Variants in ZNF236 observed in about 807,000 individuals in gnomAD.
ZNF236 encodes the protein zinc finger protein 236.
In ZNF236, 50 loss-of-function variants were observed where a neutral mutation model predicts 191.2. That is an observed-to-expected ratio of 0.26 (90% CI 0.21 to 0.33). The LOEUF is 0.33. Among genes scored for constraint, ZNF236 ranks in the 10% least tolerant of loss-of-function variants. ZNF236 has a pLI of 1.00. For missense variants in ZNF236, 1,754 were observed against 2,374.5 expected (o/e 0.74, Z 5.43); for synonymous variants, 907 against 928.8 (o/e 0.98, Z 0.43).
At chr18:76,869,992 A>G (rs920824474) in intron 4 of ZNF236, among the ~76,000 whole-genome samples, 1 of 152,252 alleles carries the variant, frequency 6.6e-6, no homozygotes, top group Admixed American at 6.5e-5. Flanking sequence ...AGTATCAATT[A>G]TCATTTTAAC....
At chr18:76,949,033 C>T (rs1968341787) in intron 27 of ZNF236, among the ~76,000 whole-genome samples, 1 of 152,172 alleles carries the variant, frequency 6.6e-6, no homozygotes, top group South Asian at 2.1e-4. Context: ...GGTTTGAGCA[C>T]CTCAGGCCTG....
At position 76,947,526 on chromosome 18, in the gene ZNF236, G is replaced by A. The variant is rs369130529; in HGVS notation, c.4788G>A (p.Gln1596=). ...TAGTACTAATCTTTTGCCAGGGTCA[G>A]CAGTTCCCAGCGCTCCTCACGGATC... ...TVTLNITSQG[Q]QFPALLTDPS... is the part of the protein sequence containing the mutation. Residue 1596 remains glutamine (Q), a synonymous_variant, in exon 27 of 31, where the codon CAG becomes CAA. Coordinates refer to ENST00000320610, the MANE Select transcript of ZNF236 (RefSeq NM_001306089.2). 6 of 1,612,800 alleles carry A rather than the reference G, an allele frequency of 3.7e-6. No homozygotes were observed. The highest frequency in any genetic ancestry group is 5.1e-6 in the Non-Finnish European group (6 of 1,179,594).
chr18:76,905,156 T>A lies in ZNF236; in HGVS notation c.2038T>A (p.Ser680Thr). 6.2e-7 allele frequency: 1 copy of A among 1,609,158 alleles called. No homozygotes were observed. Residue 680 changes from serine to threonine, a missense_variant and splice_region_variant, in exon 13 of 31, where the codon TCC becomes ACC. Ser to Thr is a moderately conservative substitution (Grantham distance 58). This residue lies in a region of ZNF236 where 641 missense variants were observed against 869.6 expected (regional missense o/e 0.74). Coordinates refer to ENST00000320610, the MANE Select transcript of ZNF236 (RefSeq NM_001306089.2). ...TTAAAATGTGTATTTTTTTTTAAGA[T>A]CCCATACAGGTGAAAAACCTTTTAA... The part of the protein sequence containing the change: ...KSCHLKQHIR[S>T]HTGEKPFKCS...
chr18:76,867,945 A>G (rs1426845845), intron 3 of ZNF236, among the ~76,000 whole-genome samples: 1 of 152,184 alleles, frequency 6.6e-6, no homozygotes, highest in Non-Finnish European at 1.5e-5. Context: ...GTGAAAGATG[A>G]GGAATTTAAA....
intron 9 of ZNF236, among the ~76,000 whole-genome samples, chr18:76,883,897 T>C (rs534946711): frequency 6.6e-6 from 1 of 152,362 alleles, no homozygotes; most frequent in East Asian, 1.9e-4. Flanking sequence ...AGTCATAACA[T>C]TAATTGCTTA....
chr18:76,913,732 A>T lies in ZNF236; in HGVS notation c.2910-15A>T, dbSNP rs1967280848. On this transcript the variant is annotated splice_polypyrimidine_tract_variant and intron_variant, in intron 17 of 30. Transcript: ENST00000320610. ...TGAATTAACGTGGTCTGAGTTCTGTATGTTTGCTTTGTAGGTGTGACTATT... is the reference window on the plus strand; with the variant it reads ...TGAATTAACGTGGTCTGAGTTCTGTTTGTTTGCTTTGTAGGTGTGACTATT... The T allele has an allele frequency of 6.2e-7, 1 of 1,612,988 alleles. No homozygotes were observed. Among genetic ancestry groups the T allele is most frequent in the Admixed American group, 1.7e-5 (1 of 59,992 alleles).
At chr18:76,961,159 C>T (rs1968657420) in intron 30 of ZNF236, among the ~76,000 whole-genome samples, 1 of 152,104 alleles carries the variant, frequency 6.6e-6, no homozygotes, top group African/African-American at 2.4e-5. Context: ...CACCCCCTTC[C>T]CATTCTTTCC....
chr18:76,972,588 A>C lies in ZNF236; in HGVS notation c.*4249A>C, dbSNP rs2123003539. Among the ~76,000 whole-genome samples the C allele has an allele frequency of 6.6e-6, 1 of 152,282 alleles. No homozygotes were observed. Among genetic ancestry groups the C allele is most frequent in the South Asian group, 2.1e-4 (1 of 4,824 alleles). On this transcript the variant is annotated 3_prime_UTR_variant, in exon 31 of 31. Coordinates refer to ENST00000320610, the MANE Select transcript of ZNF236 (RefSeq NM_001306089.2). ...CAGGAGCAACAGGCAGTCAGAAGAG[A>C]TTTTTCTATTTAATCTTTTATGTGT...
chr18:76,931,153 A>G (rs185712406), intron 25 of ZNF236: 7 of 152,342 alleles, frequency 4.6e-5, no homozygotes, highest in Admixed American at 2.6e-4. Flanking sequence ...TGAAATCAAT[A>G]ATCAATCTAC....
Position 76,970,202 on chromosome 18 carries a change from CT to C in ZNF236, c.*1867del, listed in dbSNP as rs1266403748. On this transcript the variant is annotated 3_prime_UTR_variant, in exon 31 of 31. Transcript: ENST00000320610. ...AAGTGGAAATTATTGGAATTTTAAA[CT>C]TTTGTTCTTGCTGGGTTATTTATTT... is the stretch of plus-strand genomic sequence containing the variant. 1 of 152,496 alleles carries C rather than the reference CT, an allele frequency of 6.6e-6. No homozygotes were observed. The highest frequency in any genetic ancestry group is 1.5e-5 in the Non-Finnish European group (1 of 68,006). The allele number at this position is 152,496 out of a possible 1,614,324, so 9.4% of individuals were successfully genotyped here. A position where few individuals can be genotyped will look rare whatever the true frequency, so the allele number is the denominator to read the frequency against.
chr18:76,926,077 C>T (rs1172282323), intron 22 of ZNF236, among the ~76,000 whole-genome samples: 1 of 152,186 alleles, frequency 6.6e-6, no homozygotes, highest in East Asian at 1.9e-4. Flanking sequence ...GCCTGACCAC[C>T]ACTCAGTAGT....
At chr18:76,933,723 T>C (rs1353587887) in intron 25 of ZNF236, among the ~76,000 whole-genome samples, 1 of 152,196 alleles carries the variant, frequency 6.6e-6, no homozygotes, top group African/African-American at 2.4e-5. Flanking sequence ...TTGAATACCT[T>C]TGGCATCTTT....
chr18:76,945,350 A>G (rs774770694), intron 26 of ZNF236, among the ~76,000 whole-genome samples: 17 of 152,238 alleles, frequency 1.1e-4, no homozygotes, highest in African/African-American at 4.1e-4. Context: ...CAGTTTTTCA[A>G]ATTGGGTAGT....
chr18:76,929,165 G>A (rs900385960), intron 25 of ZNF236, among the ~76,000 whole-genome samples: 4 of 151,546 alleles, frequency 2.6e-5, no homozygotes, highest in African/African-American at 4.9e-5. Flanking sequence ...AAGAAAACCA[G>A]AAGCTTTCTT....
At position 76,970,238 on chromosome 18, in the gene ZNF236, C is replaced by T. The variant is rs1272377534; in HGVS notation, c.*1899C>T. On this transcript the variant is annotated 3_prime_UTR_variant, in exon 31 of 31. Transcript: ENST00000320610. ...GCTGGGTTATTTATTTTGATTTTAG[C>T]ATTAAATGTCATCTCAGGACATCTC... is the stretch of plus-strand genomic sequence containing the variant. The T allele has an allele frequency of 6.6e-6, 1 of 152,586 alleles. No homozygotes were observed. The highest frequency in any genetic ancestry group is 1.5e-5 in the Non-Finnish European group (1 of 68,024). The allele number at this position is 152,586 out of a possible 1,614,324, so 9.5% of individuals were successfully genotyped here. A position where few individuals can be genotyped will look rare whatever the true frequency, so the allele number is the denominator to read the frequency against.
chr18:76,870,047 T>C lies in ZNF236; in HGVS notation c.542+1184T>C, dbSNP rs189882223. On this transcript the variant is annotated intron_variant, in intron 4 of 30. Transcript: ENST00000320610. Reference sequence around the variant, plus strand: ...CTTGCCATCCTTCTAAGCTGCAATGTTTAGGAAATATCTGTACTTCTTAAC... The same window carrying C: ...CTTGCCATCCTTCTAAGCTGCAATGCTTAGGAAATATCTGTACTTCTTAAC... 3.3e-5 allele frequency among the ~76,000 whole-genome samples: 5 copies of C among 152,356 alleles called. No homozygotes were observed. The East Asian group carries it at 9.6e-4, about 29-fold the overall frequency.
At chr18:76,825,905 C>G (rs890108455) in intron 1 of ZNF236, among the ~76,000 whole-genome samples, 1 of 152,094 alleles carries the variant, frequency 6.6e-6, no homozygotes, top group Admixed American at 6.5e-5. Flanking sequence ...GCCACTGCTT[C>G]CAGCTGAGGG....
At chr18:76,854,019 A>AAAAAG (rs1169777395) in intron 3 of ZNF236, among the ~76,000 whole-genome samples, 3 of 151,970 alleles carry the variant, frequency 2.0e-5, no homozygotes, top group African/African-American at 4.8e-5. Flanking sequence ...TTAAAAAAAA[A>AAAAAG]AAAAGAAAAG....
chr18:76,880,292 G>A lies in ZNF236; in HGVS notation c.1164G>A (p.Val388=). 6.2e-7 allele frequency: 1 copy of A among 1,613,476 alleles called. No individual in the cohort carries two copies. Residue 388 remains valine, a synonymous_variant, in exon 8 of 31, where the codon GTG becomes GTA. Transcript: ENST00000320610. This position sits in a 1 kb window ranked among gnomAD's most constrained non-coding sequence, Gnocchi z 5.0. ...CTGGGCAGCAGCTGAGCATCACAGT[G>A]GGCATCAACCAGGACATTTTACAGG... ...PQPGQQLSIT[V]GINQDILQQA...
Sources: allele counts gnomAD v4.1 joint callset (sites outside exome capture counted in the v4.1 genomes callset), GRCh38; gene constraint gnomAD v4.1.1; regional missense constraint gnomAD v4.1.1; non-coding constraint Gnocchi (gnomAD v3.1); transcripts MANE v1.5; gene names NCBI Gene and HGNC (gene_info 2026-07-23, HGNC 2026-07-21).